ROBO1: variants seen among roughly 807,000 people sequenced by gnomAD.
ROBO1 encodes roundabout guidance receptor 1.
A neutral mutation model predicts 195.9 loss-of-function variants in ROBO1; 149 were observed. That is an observed-to-expected ratio of 0.76 (90% CI 0.67 to 0.87). The LOEUF is 0.87. Ranked by LOEUF, ROBO1 falls within the 40% of genes least tolerant of loss-of-function variation. The pLI is 0.00. For synonymous variants in ROBO1, 816 were observed against 733.2 expected (o/e 1.11, Z -1.82); for missense variants, 1,933 against 2,068.3 (o/e 0.93, Z 1.27).
chr3:78,995,982 C>CT (rs1342388289), intron 3 of ROBO1, among the ~76,000 whole-genome samples: 1 of 151,982 alleles, frequency 6.6e-6, no homozygotes, highest in East Asian at 1.9e-4. Context: ...AAAGGGGCAG[C>CT]TCCAATCCAG....
intron 2 of ROBO1, among the ~76,000 whole-genome samples, chr3:79,375,842 A>G (rs1003146622): frequency 5.9e-5 from 9 of 152,108 alleles, no homozygotes; most frequent in Admixed American, 2.0e-4. Context: ...TAGATCTTAA[A>G]CCTGTTCTGG....
At chr3:79,489,160 C>T (rs1235579550) in intron 2 of ROBO1, among the ~76,000 whole-genome samples, 1 of 151,506 alleles carries the variant, frequency 6.6e-6, no homozygotes, top group East Asian at 1.9e-4. Flanking sequence ...TGATTTTTCT[C>T]ATAAGACTTC....
intron 4 of ROBO1, among the ~76,000 whole-genome samples, chr3:78,903,156 A>C (rs1317593481): frequency 2.0e-5 from 3 of 152,128 alleles, no homozygotes; most frequent in Admixed American, 6.6e-5. Context: ...AAAAATGATA[A>C]ATGATATAAT....
At chr3:78,866,831 G>A (rs2035213104) in intron 4 of ROBO1, among the ~76,000 whole-genome samples, 1 of 152,134 alleles carries the variant, frequency 6.6e-6, no homozygotes, top group Admixed American at 6.5e-5. Context: ...AGGATAATGG[G>A]AGAGAAAAAT....
At chr3:79,604,617 A>T (rs1314345726) in intron 1 of ROBO1, among the ~76,000 whole-genome samples, 1 of 152,000 alleles carries the variant, frequency 6.6e-6, no homozygotes, top group East Asian at 1.9e-4. Flanking sequence ...TATATCAAAG[A>T]TTAGAAATGA....
At chr3:79,290,036 C>T (rs746218497) in intron 2 of ROBO1, among the ~76,000 whole-genome samples, 14 of 151,876 alleles carry the variant, frequency 9.2e-5, no homozygotes, top group Non-Finnish European at 2.1e-4. Context: ...TTCCTCCTTT[C>T]CTTTTCTTTT....
At chr3:78,629,372 G>A (rs879448556) in intron 25 of ROBO1, among the ~76,000 whole-genome samples, 1 of 152,016 alleles carries the variant, frequency 6.6e-6, no homozygotes, top group Admixed American at 6.6e-5. Flanking sequence ...AAGCAGCAAT[G>A]AATGTTGTTA....
At chr3:79,658,624 A>T (rs1178128022) in intron 1 of ROBO1, among the ~76,000 whole-genome samples, 1 of 152,056 alleles carries the variant, frequency 6.6e-6, no homozygotes, top group African/African-American at 2.4e-5. Flanking sequence ...GTAGGCATGT[A>T]TTTAATGGGT....
At chr3:79,617,145 C>T (rs1052925728) in intron 1 of ROBO1, among the ~76,000 whole-genome samples, 2 of 152,096 alleles carry the variant, frequency 1.3e-5, no homozygotes, top group East Asian at 3.9e-4. Flanking sequence ...CTCCCTACAC[C>T]ACCCTATGGA....
At chr3:79,036,685 G>A (rs1044622561) in intron 3 of ROBO1, among the ~76,000 whole-genome samples, 3 of 152,036 alleles carry the variant, frequency 2.0e-5, no homozygotes, top group Non-Finnish European at 4.4e-5. Context: ...TTGACTGGGA[G>A]TTTTATAATG....
intron 2 of ROBO1, among the ~76,000 whole-genome samples, chr3:79,331,791 A>C (rs1474918654): frequency 6.6e-6 from 1 of 152,220 alleles, no homozygotes; most frequent in African/African-American, 2.4e-5. Flanking sequence ...TCTCACAGAC[A>C]TTGTCTGCTA....
At chr3:79,349,334 C>A (rs1310218293) in intron 2 of ROBO1, among the ~76,000 whole-genome samples, 2 of 152,020 alleles carry the variant, frequency 1.3e-5, no homozygotes, top group East Asian at 1.9e-4. Context: ...AGGAAAATAA[C>A]CATATTCACT....
chr3:78,975,192 A>G (rs541752557), intron 3 of ROBO1, among the ~76,000 whole-genome samples: 5 of 152,264 alleles, frequency 3.3e-5, no homozygotes, highest in African/African-American at 9.6e-5. Flanking sequence ...TCTCACTCTT[A>G]TATCTTCAAT....
At chr3:79,038,747 A>G (rs571196011) in intron 3 of ROBO1, among the ~76,000 whole-genome samples, 2 of 152,082 alleles carry the variant, frequency 1.3e-5, no homozygotes, top group East Asian at 3.9e-4. Context: ...CTAACATCGC[A>G]TCTGGTACTA....
chr3:78,662,739 C>T (rs940678613), intron 14 of ROBO1, among the ~76,000 whole-genome samples: 3 of 151,966 alleles, frequency 2.0e-5, no homozygotes, highest in Admixed American at 1.3e-4. Context: ...AAGTACTTAA[C>T]GTTTATTTAA....
chr3:78,692,579 CT>C (rs2081199776), intron 8 of ROBO1, among the ~76,000 whole-genome samples: 1 of 152,164 alleles, frequency 6.6e-6, no homozygotes, highest in African/African-American at 2.4e-5. Flanking sequence ...CCTATTGTAA[CT>C]TTTTAACTTA....
chr3:79,258,888 C>A (rs1012384151), intron 2 of ROBO1, among the ~76,000 whole-genome samples: 13 of 152,048 alleles, frequency 8.5e-5, no homozygotes, highest in African/African-American at 3.1e-4. Context: ...CCTAGAAATC[C>A]ATTTGAAAAA....
At chr3:78,867,620 G>A (rs2035264090) in intron 4 of ROBO1, among the ~76,000 whole-genome samples, 1 of 152,158 alleles carries the variant, frequency 6.6e-6, no homozygotes, top group Admixed American at 6.5e-5. Flanking sequence ...TGGGAATCAT[G>A]ATGCAACTGA....
At chr3:78,829,263 C>T (rs2031925720) in intron 4 of ROBO1, among the ~76,000 whole-genome samples, 1 of 152,032 alleles carries the variant, frequency 6.6e-6, no homozygotes, top group South Asian at 2.1e-4. Context: ...GTGAAAAGGG[C>T]TTTTTCCCCT....
Sources: gnomAD v4.1 joint callset for allele counts (sites outside exome capture counted in the v4.1 genomes callset) on GRCh38, gnomAD v4.1.1 for gene constraint, MANE v1.5 for transcripts, NCBI Gene and HGNC (gene_info 2026-07-23, HGNC 2026-07-21) for gene names.